The following ARHGAP6 variants were observed in gnomAD, a reference collection of about 807,000 sequenced individuals.
ARHGAP6 encodes Rho GTPase activating protein 6, also known as rho GTPase-activating protein 6.
In ARHGAP6, 16 loss-of-function variants were observed where a neutral mutation model predicts 55.7. The observed-to-expected ratio is 0.29, with a 90% CI of 0.19 to 0.44. The LOEUF (loss-of-function observed/expected upper bound fraction) is 0.44. Among genes scored for constraint, ARHGAP6 ranks in the 20% least tolerant of loss-of-function variants. The pLI is 1.00. For synonymous variants in ARHGAP6, 382 were observed against 360.9 expected (o/e 1.06, Z -0.66); for missense variants, 698 against 808.9 (o/e 0.86, Z 1.66).
intron 1 of ARHGAP6, among the ~76,000 whole-genome samples, chrX:11,499,129 T>C (rs1306111196): frequency 1.8e-5 from 2 of 112,316 alleles, no homozygotes; most frequent in Non-Finnish European, 3.8e-5. Context: ...TAATATTTTC[T>C]GGCTATGTCT....
intron 2 of ARHGAP6, among the ~76,000 whole-genome samples, chrX:11,199,225 A>T (rs1488206520): frequency 8.9e-6 from 1 of 112,007 alleles, no homozygotes; most frequent in Non-Finnish European, 1.9e-5. Flanking sequence ...GCTTGGGGTT[A>T]TTAGGAACAA....
chrX:11,542,789 C>T (rs1297096106), intron 1 of ARHGAP6, among the ~76,000 whole-genome samples: 2 of 111,945 alleles, frequency 1.8e-5, no homozygotes, highest in Non-Finnish European at 3.8e-5. Flanking sequence ...AACACACAAT[C>T]TGTCACATCT....
chrX:11,302,983 TTAAGGCCAAGA>T (rs1165364459), intron 1 of ARHGAP6, among the ~76,000 whole-genome samples: 1 of 112,404 alleles, frequency 8.9e-6, no homozygotes, highest in Non-Finnish European at 1.9e-5. Flanking sequence ...AAGACTGAGT[TTAAGGCCAAGA>T]CTTTTAAAAA....
chrX:11,244,120 GA>G (rs2047322306), intron 2 of ARHGAP6, among the ~76,000 whole-genome samples: 1 of 112,060 alleles, frequency 8.9e-6, no homozygotes, highest in Non-Finnish European at 1.9e-5. Flanking sequence ...AAATAATGAA[GA>G]AATTGAAATG....
At chrX:11,297,654 G>A (rs2048109216) in intron 1 of ARHGAP6, among the ~76,000 whole-genome samples, 1 of 111,741 alleles carries the variant, frequency 8.9e-6, no homozygotes, top group South Asian at 3.7e-4. Context: ...CAATCTATGA[G>A]TTTATTTACT....
At chrX:11,182,406 C>T (rs1321051691) in intron 5 of ARHGAP6, among the ~76,000 whole-genome samples, 2 of 111,235 alleles carry the variant, frequency 1.8e-5, no homozygotes, top group Non-Finnish European at 3.8e-5. Flanking sequence ...GAGCTTTTGT[C>T]CATTATCCAG....
At chrX:11,305,989 C>T (rs901120706) in intron 1 of ARHGAP6, among the ~76,000 whole-genome samples, 1 of 111,817 alleles carries the variant, frequency 8.9e-6, no homozygotes, top group Non-Finnish European at 1.9e-5. Context: ...ATAACCAACT[C>T]AAGGCACTTC....
At chrX:11,472,590 G>A (rs375325996) in intron 1 of ARHGAP6, among the ~76,000 whole-genome samples, 13 of 111,958 alleles carry the variant, frequency 1.2e-4, no homozygotes, top group South Asian at 3.8e-4. Flanking sequence ...CACAGAATGC[G>A]TGAGCAGGGG....
At chrX:11,345,647 G>A (rs1457672676) in intron 1 of ARHGAP6, among the ~76,000 whole-genome samples, 1 of 111,774 alleles carries the variant, frequency 8.9e-6, no homozygotes, top group Admixed American at 9.5e-5. Context: ...CCAGCTGGGG[G>A]CCAAGGGGCT....
intron 2 of ARHGAP6, among the ~76,000 whole-genome samples, chrX:11,206,823 C>T (rs1253619259): frequency 9.0e-6 from 1 of 111,152 alleles, no homozygotes; most frequent in Non-Finnish European, 1.9e-5. Context: ...TTCAAAAGCC[C>T]TCTCAGGATT....
At chrX:11,316,232 T>G (rs1050454476) in intron 1 of ARHGAP6, among the ~76,000 whole-genome samples, 2 of 112,230 alleles carry the variant, frequency 1.8e-5, no homozygotes, top group African/African-American at 6.5e-5. Flanking sequence ...TTTAAAGTAG[T>G]CATCTCTCCT....
In ARHGAP6 at chrX:11,664,603, C is replaced by G. The variant is rs1233742830; in HGVS notation, c.226G>C (p.Gly76Arg). The change falls in exon 1 of 13, where the codon GGC (glycine) becomes CGC (arginine). Residue 76 changes from glycine to arginine, a missense_variant. Gly to Arg is a moderately radical substitution (Grantham distance 125, BLOSUM62 -2). Around this residue, in one of 3 missense-constraint regions of ARHGAP6, gnomAD observed 164 missense variants for 149.2 expected, o/e 1.10. Coordinates refer to ENST00000337414, the MANE Select transcript of ARHGAP6 (RefSeq NM_013427.3). ...YSPSLPAESL[G>R]PRLASSSRGP... ...CGGGAAGAGGACGCCAAGCGAGGGCCGAGACTCTCGGCTGGGAGTGATGGG... is the reference window on the plus strand; with the variant it reads ...CGGGAAGAGGACGCCAAGCGAGGGCGGAGACTCTCGGCTGGGAGTGATGGG... The G allele has an allele frequency of 3.4e-6, 4 of 1,172,228 alleles. No homozygotes were observed. The highest frequency in any genetic ancestry group is 4.6e-6 in the Non-Finnish European group (4 of 875,925).
At position 11,179,595 on chromosome X, in the gene ARHGAP6, C is replaced by A. The variant is rs1011780612; in HGVS notation, c.1330-143G>T. On this transcript the variant is annotated intron_variant, in intron 6 of 12. Coordinates refer to ENST00000337414, the MANE Select transcript of ARHGAP6 (RefSeq NM_013427.3). ...AAGGGGAAGCAAACAACATCCTCACCTTGATCTGCCGAGTTGACACAGTCC... is the reference window on the plus strand; with the variant it reads ...AAGGGGAAGCAAACAACATCCTCACATTGATCTGCCGAGTTGACACAGTCC... 1.4e-5 allele frequency: 9 copies of A among 620,744 alleles called. No homozygotes were observed. The Admixed American group carries it at 3.2e-4, about 22-fold the overall frequency. The allele number at this position is 620,744 out of a possible 1,213,427, so 51.2% of individuals were successfully genotyped here.
intron 1 of ARHGAP6, among the ~76,000 whole-genome samples, chrX:11,568,284 T>C (rs1475631436): frequency 3.6e-5 from 4 of 112,548 alleles, no homozygotes; most frequent in Non-Finnish European, 1.9e-5. Flanking sequence ...GTTGGGAATA[T>C]TCACTTAAAA....
chrX:11,179,233 G>A, intron 7 of ARHGAP6, 69 bp downstream of exon 7: 1 of 1,027,246 alleles, frequency 9.7e-7, no homozygotes, highest in African/African-American at 1.9e-5. Flanking sequence ...TATGCATAAA[G>A]TTATGATGAA....
chrX:11,402,859 C>T (rs182220890), intron 1 of ARHGAP6, among the ~76,000 whole-genome samples: 1 of 111,488 alleles, frequency 9.0e-6, no homozygotes, highest in Non-Finnish European at 1.9e-5. Context: ...AGGAGGTGGG[C>T]AAATCCTATT....
rs953912280 is a variant in ARHGAP6 at position 11,304,777 on chromosome X, C to CTTTTTTTTTTTTTTTTTTTT, written c.589-50090_589-50071dup. Reference sequence around the variant, plus strand: ...AAGGATTTCATTTTTCTTTCTTTTACTTTTTTTTTTTTTTTTTTTTTTTTT... The same window carrying CTTTTTTTTTTTTTTTTTTTT: ...AAGGATTTCATTTTTCTTTCTTTTACTTTTTTTTTTTTTTTTTTTTTTTTTTTTTTTTTTTTTTTTTTTTT... On this transcript the variant is annotated intron_variant, in intron 1 of 12. Transcript: ENST00000337414. Among the ~76,000 whole-genome samples the CTTTTTTTTTTTTTTTTTTTT allele has an allele frequency of 9.9e-5, 5 of 50,308 alleles. 1 individual carries two copies. Among genetic ancestry groups the CTTTTTTTTTTTTTTTTTTTT allele is most frequent in the Admixed American group, 2.1e-4 (1 of 4,751 alleles). The allele number at this position is 50,308 out of a possible 115,157, so 43.7% of individuals were successfully genotyped here. A position where few individuals can be genotyped will look rare whatever the true frequency, so the allele number is the denominator to read the frequency against.
At chrX:11,513,231 T>C (rs1050332581) in intron 1 of ARHGAP6, among the ~76,000 whole-genome samples, 1 of 111,301 alleles carries the variant, frequency 9.0e-6, no homozygotes, top group African/African-American at 3.3e-5. Context: ...ACTCATCATG[T>C]TCGAAATCTT....
At chrX:11,436,892 G>C (rs757245556) in intron 1 of ARHGAP6, among the ~76,000 whole-genome samples, 1 of 100,581 alleles carries the variant, frequency 9.9e-6, no homozygotes, top group East Asian at 3.5e-4. Context: ...GAGGAGTTGA[G>C]GGGGGGATAG....
Sources: gnomAD v4.1 joint callset for allele counts (sites outside exome capture counted in the v4.1 genomes callset) on GRCh38, gnomAD v4.1.1 for gene constraint, gnomAD v4.1.1 regional missense constraint, MANE v1.5 for transcripts, NCBI Gene and HGNC (gene_info 2026-07-23, HGNC 2026-07-21) for gene names.